Variants in EFCAB11 observed in about 807,000 individuals in gnomAD.
EFCAB11 encodes EF-hand calcium binding domain 11, also known as EF-hand calcium-binding domain-containing protein 11.
EFCAB11 carries 14 observed loss-of-function variants against 23.0 expected under a neutral mutation model. The ratio of observed to expected loss-of-function variants is 0.61; its 90% CI spans 0.40 to 0.95. The LOEUF is 0.95. Ranked by LOEUF, EFCAB11 falls within the 40% of genes least tolerant of loss-of-function variation. The pLI is 0.00. For synonymous variants in EFCAB11, 65 were observed against 66.6 expected (o/e 0.98, Z 0.11); for missense variants, 198 against 195.8 (o/e 1.01, Z -0.07).
At chr14:89,802,207 T>TAAAAAAAAAAA in intron 5 of EFCAB11, among the ~76,000 whole-genome samples, 1 of 136,090 alleles carries the variant, frequency 7.3e-6, no homozygotes, top group Non-Finnish European at 1.6e-5. Context: ...CCAAGTTACT[T>TAAAAAAAAAAA]AAAAAAAAAA....
intron 5 of EFCAB11, among the ~76,000 whole-genome samples, chr14:89,877,339 A>G (rs2140171099): frequency 6.6e-6 from 1 of 152,252 alleles, no homozygotes; most frequent in East Asian, 1.9e-4. Context: ...CACCCGGCCA[A>G]CCAAAAGTAT....
intron 5 of EFCAB11, among the ~76,000 whole-genome samples, chr14:89,804,165 C>T (rs79130012): frequency 7.9e-4 from 121 of 152,284 alleles, no homozygotes; most frequent in African/African-American, 2.8e-3. Context: ...TGGGGTGGCA[C>T]CCCCTACCCC....
intron 5 of EFCAB11, among the ~76,000 whole-genome samples, chr14:89,873,855 C>T (rs1688754979): frequency 1.3e-5 from 2 of 152,210 alleles, no homozygotes; most frequent in African/African-American, 4.8e-5. Context: ...GCTGCTTTCA[C>T]AGGATGGCAT....
intron 5 of EFCAB11, among the ~76,000 whole-genome samples, chr14:89,826,411 G>A (rs1321561088): frequency 1.3e-5 from 2 of 151,370 alleles, no homozygotes; most frequent in African/African-American, 2.4e-5. Context: ...TAGAAAGACT[G>A]GAACACAGAG....
intron 5 of EFCAB11, among the ~76,000 whole-genome samples, chr14:89,900,889 G>A (rs948083818): frequency 1.3e-5 from 2 of 151,942 alleles, no homozygotes; most frequent in African/African-American, 2.4e-5. Flanking sequence ...AACTGCTCTT[G>A]GTAATGCATT....
At chr14:89,953,339 T>A (rs539783290) in intron 2 of EFCAB11, among the ~76,000 whole-genome samples, 2 of 152,312 alleles carry the variant, frequency 1.3e-5, no homozygotes, top group South Asian at 2.1e-4. Flanking sequence ...AAAAGCAAGT[T>A]AAAGTAGGCA....
intron 5 of EFCAB11, among the ~76,000 whole-genome samples, chr14:89,909,504 CG>C (rs11354199): frequency 0.3 from 46,286 of 151,944 alleles, 10,497 homozygotes; most frequent in African/African-American, 0.63. Context: ...AGCTTGAAGC[CG>C]GGGGGGCGGA....
chr14:89,835,385 C>A (rs1418138166), intron 5 of EFCAB11, among the ~76,000 whole-genome samples: 6 of 152,058 alleles, frequency 3.9e-5, no homozygotes, highest in Non-Finnish European at 5.9e-5. Flanking sequence ...AGACAAAATT[C>A]ACTGATACTT....
chr14:89,949,342 A>C (rs1436712794), intron 3 of EFCAB11, among the ~76,000 whole-genome samples: 1 of 152,196 alleles, frequency 6.6e-6, no homozygotes, highest in East Asian at 1.9e-4. Context: ...AGATGTGCTT[A>C]AATATAATGC....
chr14:89,880,176 C>T (rs1382788599), intron 5 of EFCAB11, among the ~76,000 whole-genome samples: 1 of 152,108 alleles, frequency 6.6e-6, no homozygotes, highest in East Asian at 1.9e-4. Context: ...GAAGGTGGGG[C>T]CTTCATAAGA....
intron 5 of EFCAB11, among the ~76,000 whole-genome samples, chr14:89,825,799 T>C (rs969901699): frequency 6.6e-6 from 1 of 152,320 alleles, no homozygotes; most frequent in African/African-American, 2.4e-5. Context: ...GAAGCAAGTA[T>C]GGCCATATGT....
rs559360040 is a variant in EFCAB11, at chr14:89,950,920, C to T, written c.172-778G>A. ...CCTCCTACCCTTAAATGCTTGTATT[C>T]CCTAACGTTCTATCCTCAGACCATG... is the stretch of plus-strand genomic sequence containing the variant. On this transcript the variant is annotated intron_variant, in intron 2 of 5. Coordinates refer to ENST00000316738, the MANE Select transcript of EFCAB11 (RefSeq NM_145231.4). Among the ~76,000 whole-genome samples the T allele has an allele frequency of 1.1e-3, 172 of 152,180 alleles. 1 individual carries two copies. The highest frequency in any genetic ancestry group is 4.0e-3 in the African/African-American group (166 of 41,554).
At chr14:89,900,793 C>G (rs904078619) in intron 5 of EFCAB11, among the ~76,000 whole-genome samples, 1 of 152,172 alleles carries the variant, frequency 6.6e-6, no homozygotes, top group Non-Finnish European at 1.5e-5. Flanking sequence ...TAGAGCTTAC[C>G]TTTGCCAACA....
chr14:89,886,176 C>A (rs1888765908), intron 5 of EFCAB11, among the ~76,000 whole-genome samples: 1 of 152,136 alleles, frequency 6.6e-6, no homozygotes, highest in African/African-American at 2.4e-5. Flanking sequence ...TACATGTTTT[C>A]TCTTAAGGCA....
At chr14:89,813,299 C>T (rs1035700519) in intron 5 of EFCAB11, among the ~76,000 whole-genome samples, 7 of 152,074 alleles carry the variant, frequency 4.6e-5, no homozygotes, top group African/African-American at 1.7e-4. Flanking sequence ...CTCTCTGATA[C>T]GATACCTTGA....
At chr14:89,824,561 T>C (rs2140105743) in intron 5 of EFCAB11, among the ~76,000 whole-genome samples, 1 of 152,232 alleles carries the variant, frequency 6.6e-6, no homozygotes, top group East Asian at 1.9e-4. Context: ...TAAATGTAAA[T>C]ATGCTAAATA....
At chr14:89,809,501 T>A (rs995420433) in intron 5 of EFCAB11, among the ~76,000 whole-genome samples, 1 of 152,194 alleles carries the variant, frequency 6.6e-6, no homozygotes. Flanking sequence ...ATCACGCTCA[T>A]CATTAAAGAC....
At chr14:89,863,419 C>T (rs1325640709) in intron 5 of EFCAB11, among the ~76,000 whole-genome samples, 2 of 152,236 alleles carry the variant, frequency 1.3e-5, no homozygotes, top group African/African-American at 4.8e-5. Context: ...TGTTTGACCA[C>T]CTGGGATGTT....
chr14:89,953,214 A>G (rs1891247011), intron 2 of EFCAB11, among the ~76,000 whole-genome samples: 1 of 152,048 alleles, frequency 6.6e-6, no homozygotes, highest in Non-Finnish European at 1.5e-5. Context: ...GCAGAAAAAA[A>G]AAAAAAACCC....
Sources: gnomAD v4.1 joint callset for allele counts (sites outside exome capture counted in the v4.1 genomes callset) on GRCh38, gnomAD v4.1.1 for gene constraint, MANE v1.5 for transcripts, NCBI Gene and HGNC (gene_info 2026-07-23, HGNC 2026-07-21) for gene names.